Variants in MRPL43 observed in about 807,000 individuals in gnomAD.
The protein encoded by MRPL43 is mitochondrial ribosomal protein L43, also known as large ribosomal subunit protein mL43.
In MRPL43, 9 loss-of-function variants were observed where a neutral mutation model predicts 12.7. That is an observed-to-expected ratio of 0.71 (90% CI 0.43 to 1.24). MRPL43 has a LOEUF of 1.24. MRPL43 is among the 50% of genes most tolerant of loss of function. MRPL43 has a pLI of 0.00. For missense variants in MRPL43, 211 were observed against 229.2 expected (o/e 0.92, Z 0.51); for synonymous variants, 116 against 96.4 (o/e 1.20, Z -1.19).
At chr10:100,978,649 G>A (rs747495170), downstream of MRPL43, 1 of 1,610,914 alleles carries the variant, frequency 6.2e-7, no homozygotes, top group Non-Finnish European at 8.5e-7. Context: ...TGGTTAGGAG[G>A]ATGAGGCACA....
downstream of MRPL43, among the ~76,000 whole-genome samples, chr10:100,981,842 G>A (rs1264147457): frequency 6.6e-6 from 1 of 152,098 alleles, no homozygotes; most frequent in Non-Finnish European, 1.5e-5. Flanking sequence ...TGGATTGCTT[G>A]AGCTCAGGAA....
At chr10:100,979,392 T>G (rs1440877035), downstream of MRPL43, 2 of 1,589,514 alleles carry the variant, frequency 1.3e-6, no homozygotes, top group South Asian at 1.1e-5. Context: ...GAGAATTTTT[T>G]TTTTTTTTTA....
downstream of MRPL43, chr10:100,978,923 T>C (rs1387941598): frequency 6.2e-7 from 1 of 1,614,216 alleles, no homozygotes; most frequent in South Asian, 1.1e-5. Flanking sequence ...CAAGGTGTAC[T>C]ACTTCTTCAC....
rs577367953 is a variant in MRPL43 at position 100,986,356 on chromosome 10, C to A, written c.*378G>T. The A allele has an allele frequency of 1.4e-6, 2 of 1,447,296 alleles. No individual in the cohort carries two copies. The highest frequency in any genetic ancestry group is 1.8e-6 in the Non-Finnish European group (2 of 1,105,436). 89.7% of individuals were successfully genotyped at this position (1,447,296 alleles called of 1,614,324 possible). A position where few individuals can be genotyped will look rare whatever the true frequency, so the allele number is the denominator to read the frequency against. ...AAGTGCCTAGCCCATCACAGCAGAG[C>A]TCTCCGTAGCTCAGTGGTTGTTCCA... is the stretch of plus-strand genomic sequence containing the variant. On this transcript the variant is annotated 3_prime_UTR_variant, in exon 3 of 3. Transcript: ENST00000318364.
downstream of MRPL43, chr10:100,984,475 TTC>T: frequency 6.5e-7 from 1 of 1,530,310 alleles, no homozygotes; most frequent in Non-Finnish European, 8.7e-7. Context: ...CCCAAACCCT[TTC>T]TCTTTCTCCC....
At chr10:100,985,178 GGGA>G (rs1212458091), downstream of MRPL43, 25 of 356,578 alleles carry the variant, frequency 7.0e-5, no homozygotes, top group Admixed American at 1.0e-3. Context: ...AGCAGGGAAA[GGGA>G]GGAGAAATCT....
chr10:100,984,510 A>G (rs1851323614), downstream of MRPL43: 2 of 1,535,914 alleles, frequency 1.3e-6, no homozygotes, highest in South Asian at 2.4e-5. Flanking sequence ...GCAGGTCCAT[A>G]TGGGCTCAAT....
chr10:100,980,190 C>T (rs765708793), downstream of MRPL43: 24 of 1,614,240 alleles, frequency 1.5e-5, 1 homozygote, highest in South Asian at 2.6e-4. Context: ...TGGTCCTGGA[C>T]TTTGTAAAGT....
At chr10:100,978,121 T>C (rs986808034), downstream of MRPL43, 1 of 600,334 alleles carries the variant, frequency 1.7e-6, no homozygotes, top group Non-Finnish European at 3.0e-6. Flanking sequence ...ATACATTGTT[T>C]TGAGGCCATA....
downstream of MRPL43, chr10:100,983,440 G>A: frequency 6.2e-7 from 1 of 1,613,924 alleles, no homozygotes; most frequent in Non-Finnish European, 8.5e-7. Context: ...GGGCAGGGTG[G>A]CTACCGTGTG....
At chr10:100,979,534 C>T (rs925743857), downstream of MRPL43, among the ~76,000 whole-genome samples, 1 of 152,046 alleles carries the variant, frequency 6.6e-6, no homozygotes, top group Non-Finnish European at 1.5e-5. Flanking sequence ...AGGCGTGTGC[C>T]ACCACGCCTG....
downstream of MRPL43, chr10:100,978,198 C>A (rs1850884355): frequency 6.1e-6 from 5 of 815,126 alleles, no homozygotes; most frequent in Admixed American, 1.1e-4. Flanking sequence ...CTGCCCCTAT[C>A]CCTGATCGCT....
At chr10:100,979,133 A>C (rs1850934544), downstream of MRPL43, 1 of 1,614,082 alleles carries the variant, frequency 6.2e-7, no homozygotes, top group African/African-American at 1.3e-5. Flanking sequence ...ATCCTGCAGA[A>C]GAAGTGGACT....
downstream of MRPL43, chr10:100,979,747 T>G (rs1850966920): frequency 7.3e-7 from 1 of 1,369,772 alleles, no homozygotes. Context: ...GGACTATAGC[T>G]GGGGTTGGCC....
chr10:100,980,105 T>A (rs758915194), downstream of MRPL43: 21 of 1,613,850 alleles, frequency 1.3e-5, no homozygotes, highest in East Asian at 2.2e-5. Flanking sequence ...GTTCACCACC[T>A]TCGTCCCCCA....
chr10:100,987,485 G>A lies in MRPL43; in HGVS notation c.-42C>T, dbSNP rs984948858. 1.9e-6 allele frequency: 3 copies of A among 1,602,960 alleles called. No individual in the cohort carries two copies. Among genetic ancestry groups the A allele is most frequent in the South Asian group, 1.1e-5 (1 of 90,628 alleles). On this transcript the variant is annotated 5_prime_UTR_variant, in exon 1 of 3. Coordinates refer to ENST00000318364, the MANE Select transcript of MRPL43 (RefSeq NM_032112.3). The stretch of plus-strand genomic sequence containing the variant: ...CCGCGGAGCCTAAGCAGCGAGGAGA[G>A]GGGGGCGGGACTAAACCTCGAGGCT...
At chr10:100,987,260 T>A in intron 1 of MRPL43, 53 bp downstream of exon 1, 1 of 1,612,188 alleles carries the variant, frequency 6.2e-7, no homozygotes, top group Non-Finnish European at 8.5e-7. Context: ...CGGGGAGTCG[T>A]TGCCACCTCC....
chr10:100,978,265 A>C, downstream of MRPL43: 3 of 1,573,984 alleles, frequency 1.9e-6, no homozygotes, highest in Non-Finnish European at 1.7e-6. Flanking sequence ...TGTCTTCGGA[A>C]CCACTTACTG....
downstream of MRPL43, chr10:100,981,075 G>A (rs1040502420): frequency 1.9e-6 from 3 of 1,604,292 alleles, no homozygotes; most frequent in Non-Finnish European, 2.6e-6. Flanking sequence ...GGGGAGTGCA[G>A]GGGCTAGTTA....
Sources: allele counts gnomAD v4.1 joint callset (sites outside exome capture counted in the v4.1 genomes callset), GRCh38; gene constraint gnomAD v4.1.1; transcripts MANE v1.5; gene names NCBI Gene and HGNC (gene_info 2026-07-23, HGNC 2026-07-21).